Variants in RHOBTB1 observed in about 807,000 individuals in gnomAD.
The protein encoded by RHOBTB1 is rho-related BTB domain-containing protein 1.
RHOBTB1 carries 40 observed loss-of-function variants against 71.6 expected under a neutral mutation model. That is an observed-to-expected ratio of 0.56 (90% CI 0.43 to 0.73). RHOBTB1 has a LOEUF of 0.73. RHOBTB1 is among the 30% of genes least tolerant of loss of function. The pLI, the probability that RHOBTB1 is intolerant of heterozygous loss-of-function variation, is 0.00. For synonymous variants in RHOBTB1, 319 were observed against 334.9 expected (o/e 0.95, Z 0.52); for missense variants, 797 against 894.0 (o/e 0.89, Z 1.38).
upstream of RHOBTB1, among the ~76,000 whole-genome samples, chr10:60,948,266 T>C (rs1223101373): frequency 6.6e-6 from 1 of 152,254 alleles, no homozygotes; most frequent in Non-Finnish European, 1.5e-5. Flanking sequence ...AAGGGAACTC[T>C]ATTTTCAACT....
At chr10:60,964,891 T>C (rs993940788) in intron 2 of RHOBTB1, among the ~76,000 whole-genome samples, 1 of 152,158 alleles carries the variant, frequency 6.6e-6, no homozygotes, top group African/African-American at 2.4e-5. Context: ...GGATAATATC[T>C]AATGTAATCC....
At chr10:60,862,702 CTT>C in the RHOBTB1 span, among the ~76,000 whole-genome samples, 28 of 135,544 alleles carry the variant, frequency 2.1e-4, no homozygotes, top group Non-Finnish European at 3.7e-4. Flanking sequence ...TTTCTTTTCT[CTT>C]TCTTTCCTTC....
intron 7 of RHOBTB1, among the ~76,000 whole-genome samples, chr10:60,880,231 G>C (rs1403464406): frequency 4.0e-5 from 6 of 148,996 alleles, no homozygotes; most frequent in Admixed American, 2.7e-4. Context: ...GAGAGAGAGA[G>C]AGAGAGAGAC....
chr10:60,913,767 A>C (rs552059246), intron 2 of RHOBTB1, among the ~76,000 whole-genome samples: 70 of 152,268 alleles, frequency 4.6e-4, no homozygotes, highest in Non-Finnish European at 8.1e-4. Flanking sequence ...CTGCCTTAGA[A>C]GGATGTGAGT....
At chr10:60,965,733 G>A (rs112516474) in intron 2 of RHOBTB1, among the ~76,000 whole-genome samples, 1,779 of 152,172 alleles carry the variant, frequency 0.012, 33 homozygotes, top group Non-Finnish European at 0.012. Flanking sequence ...TGGTCTATCC[G>A]TAGTTGGGGA....
chr10:60,932,196 C>G (rs2084294924), intron 2 of RHOBTB1, among the ~76,000 whole-genome samples: 1 of 152,128 alleles, frequency 6.6e-6, no homozygotes, highest in South Asian at 2.1e-4. Flanking sequence ...TTTACTTAGG[C>G]AGACGTCTAC....
intron 2 of RHOBTB1, among the ~76,000 whole-genome samples, chr10:60,935,466 A>G (rs1378151272): frequency 6.6e-6 from 1 of 152,044 alleles, no homozygotes; most frequent in Admixed American, 6.6e-5. Flanking sequence ...TAAATATAAG[A>G]TATACTTCAA....
chr10:60,870,325 G>A lies in RHOBTB1; in HGVS notation c.*1157C>T, dbSNP rs949230797. On this transcript the variant is annotated 3_prime_UTR_variant, in exon 11 of 11. Coordinates refer to ENST00000337910, the MANE Select transcript of RHOBTB1 (RefSeq NM_014836.5). The stretch of plus-strand genomic sequence containing the variant: ...GAATTAGATTCCTTTCCGTGTAGGA[G>A]AACGCAGGCGCCCAGCCTCCAGCTT... 6.6e-6 allele frequency: 1 copy of A among 152,628 alleles called. No individual in the cohort carries two copies. Among genetic ancestry groups the A allele is most frequent in the African/African-American group, 2.4e-5 (1 of 41,438 alleles). 9.5% of individuals were successfully genotyped at this position (152,628 alleles called of 1,614,324 possible). A position where few individuals can be genotyped will look rare whatever the true frequency, so the allele number is the denominator to read the frequency against.
chr10:60,980,884 G>A (rs753888660), intron 2 of RHOBTB1, among the ~76,000 whole-genome samples: 39 of 152,110 alleles, frequency 2.6e-4, no homozygotes, highest in Non-Finnish European at 7.4e-5. Context: ...CATTCAAAGA[G>A]CCACTTCCCT....
chr10:60,891,334 C>CTTTTTTTT (rs756153141), intron 5 of RHOBTB1, among the ~76,000 whole-genome samples: 48 of 71,322 alleles, frequency 6.7e-4, no homozygotes, highest in East Asian at 1.5e-3. Context: ...TTGCTGTTTG[C>CTTTTTTTT]TTTTTTTTTT....
chr10:60,918,253 A>G (rs963550957), intron 2 of RHOBTB1, among the ~76,000 whole-genome samples: 1 of 152,178 alleles, frequency 6.6e-6, no homozygotes, highest in African/African-American at 2.4e-5. Flanking sequence ...CATTGGAAAA[A>G]TAGGGACAGA....
chr10:60,874,281 T>C (rs1328230497), intron 9 of RHOBTB1, among the ~76,000 whole-genome samples: 21 of 152,244 alleles, frequency 1.4e-4, no homozygotes. Context: ...TGCCTGGCAT[T>C]GTAAGAGGGC....
upstream of RHOBTB1, among the ~76,000 whole-genome samples, chr10:60,949,136 CCT>C (rs2085330837): frequency 6.6e-6 from 1 of 152,164 alleles, no homozygotes; most frequent in African/African-American, 2.4e-5. Flanking sequence ...CCTCCTGGGA[CCT>C]CTGTTTCTCC....
At chr10:60,909,031 C>T (rs1009053285) in intron 4 of RHOBTB1, among the ~76,000 whole-genome samples, 3 of 152,134 alleles carry the variant, frequency 2.0e-5, no homozygotes, top group South Asian at 2.1e-4. Context: ...CAGAACAATG[C>T]ACTTTGAACC....
At chr10:60,914,741 G>A (rs750302599) in intron 2 of RHOBTB1, among the ~76,000 whole-genome samples, 1 of 152,170 alleles carries the variant, frequency 6.6e-6, no homozygotes, top group Non-Finnish European at 1.5e-5. Context: ...TTAAGGCTAT[G>A]ATTACAAAAA....
intron 4 of RHOBTB1, among the ~76,000 whole-genome samples, chr10:60,899,297 G>A (rs543044784): frequency 6.6e-6 from 1 of 152,196 alleles, no homozygotes; most frequent in Non-Finnish European, 1.5e-5. Flanking sequence ...CTAAACAGAC[G>A]AAGGTGAAAT....
chr10:60,945,893 T>A (rs2085207090), upstream of RHOBTB1, among the ~76,000 whole-genome samples: 1 of 152,200 alleles, frequency 6.6e-6, no homozygotes, highest in South Asian at 2.1e-4. Flanking sequence ...TAAAACTGAC[T>A]TCCCGGCCCA....
At chr10:60,886,306 C>A in intron 6 of RHOBTB1, 76 bp from the exon 7 acceptor site, 1 of 989,940 alleles carries the variant, frequency 1.0e-6, no homozygotes, top group Non-Finnish European at 1.6e-6. Flanking sequence ...GCTCCCATAG[C>A]CACCAAACTG....
At chr10:60,960,191 T>C (rs2085730356) in intron 2 of RHOBTB1, among the ~76,000 whole-genome samples, 1 of 152,212 alleles carries the variant, frequency 6.6e-6, no homozygotes, top group Non-Finnish European at 1.5e-5. Context: ...AATGATTTCA[T>C]TACCATGTGC....
Sources: gnomAD v4.1 joint callset for allele counts (sites outside exome capture counted in the v4.1 genomes callset) on GRCh38, gnomAD v4.1.1 for gene constraint, MANE v1.5 for transcripts, NCBI Gene and HGNC (gene_info 2026-07-23, HGNC 2026-07-21) for gene names.